The following STK32B variants were observed in gnomAD, a reference collection of about 807,000 sequenced individuals.
The protein encoded by STK32B is serine/threonine kinase 32B, also known as serine/threonine-protein kinase 32B.
In STK32B, 43 loss-of-function variants were observed where a neutral mutation model predicts 52.6. The observed-to-expected ratio is 0.82, with a 90% CI of 0.64 to 1.05. The LOEUF (loss-of-function observed/expected upper bound fraction) is 1.05, where lower values mean the gene tolerates loss of function less well. Ranked by LOEUF, STK32B falls within the 50% of genes least tolerant of loss-of-function variation. STK32B has a pLI of 0.00. For missense variants in STK32B, 621 were observed against 534.6 expected (o/e 1.16, Z -1.59); for synonymous variants, 238 against 204.3 (o/e 1.17, Z -1.41).
chr4:5,169,344 G>A (rs1019452711), intron 3 of STK32B, among the ~76,000 whole-genome samples: 2 of 152,142 alleles, frequency 1.3e-5, no homozygotes, highest in African/African-American at 2.4e-5. Flanking sequence ...AGGGGAGAGG[G>A]AGGACAGGCC....
intron 1 of STK32B, among the ~76,000 whole-genome samples, chr4:5,137,663 C>CT (rs1265134365): frequency 6.6e-6 from 1 of 152,186 alleles, no homozygotes; most frequent in Non-Finnish European, 1.5e-5. Context: ...TAATGACAGA[C>CT]TGACTGAATA....
intron 3 of STK32B, chr4:5,214,151 G>A (rs1054938731): frequency 2.0e-5 from 3 of 152,030 alleles, no homozygotes; most frequent in South Asian, 2.1e-4. Flanking sequence ...TCATGGGGGC[G>A]GGTTTCTCCC....
chr4:5,356,178 T>G (rs2108991796), intron 4 of STK32B, among the ~76,000 whole-genome samples: 1 of 152,282 alleles, frequency 6.6e-6, no homozygotes, highest in East Asian at 1.9e-4. Flanking sequence ...GAGAGACACC[T>G]TTCTTGCCTT....
chr4:5,422,963 G>A (rs1283608755), intron 6 of STK32B, among the ~76,000 whole-genome samples: 2 of 152,198 alleles, frequency 1.3e-5, no homozygotes, highest in African/African-American at 4.8e-5. Context: ...GGGGAGTGAA[G>A]CACCATTGTG....
intron 3 of STK32B, among the ~76,000 whole-genome samples, chr4:5,243,285 G>A (rs1437015704): frequency 6.6e-6 from 1 of 152,094 alleles, no homozygotes; most frequent in African/African-American, 2.4e-5. Context: ...CCTTGAAGAG[G>A]TCCTTCATGT....
chr4:5,476,668 C>G (rs949558047), intron 11 of STK32B, among the ~76,000 whole-genome samples: 7 of 151,970 alleles, frequency 4.6e-5, no homozygotes, highest in Admixed American at 1.3e-4. Flanking sequence ...TGAAGATGAC[C>G]TGTCACCTGG....
intron 4 of STK32B, among the ~76,000 whole-genome samples, chr4:5,383,672 G>C (rs1315565617): frequency 2.0e-5 from 3 of 152,158 alleles, no homozygotes. Context: ...AGGGACCCTT[G>C]TTTCTGAAAC....
the STK32B span, among the ~76,000 whole-genome samples, chr4:5,031,146 C>T: frequency 6.6e-6 from 1 of 151,908 alleles, no homozygotes; most frequent in Non-Finnish European, 1.5e-5. Flanking sequence ...TGGACGAGGC[C>T]CACCCACATT....
At chr4:5,417,954 G>A (rs1712298735) in intron 6 of STK32B, among the ~76,000 whole-genome samples, 1 of 152,204 alleles carries the variant, frequency 6.6e-6, no homozygotes, top group Admixed American at 6.5e-5. Flanking sequence ...TCATCAAAGT[G>A]GCTAGAGTGA....
At position 5,466,735 on chromosome 4, in the gene STK32B, G is replaced by T. The variant is rs1282641396; in HGVS notation, c.942G>T (p.Glu314Asp). 4 of 1,613,940 alleles carry T rather than the reference G, an allele frequency of 2.5e-6. No homozygotes were observed. Among genetic ancestry groups the T allele is most frequent in the East Asian group, 2.2e-5 (1 of 44,860 alleles). ...KGRLNCDPTF[E>D]LEEMILESKP... ...GGTTGAACTGCGATCCCACATTTGA[G>T]CTTGAAGAGATGATTCTAGAATCCA... The change falls in exon 10 of 12, where the codon GAG becomes GAT. Residue 314 changes from glutamate to aspartate, a missense_variant. Transcript: ENST00000282908.
intron 3 of STK32B, among the ~76,000 whole-genome samples, chr4:5,201,969 AAC>A (rs1722182829): frequency 6.6e-6 from 1 of 152,174 alleles, no homozygotes; most frequent in Non-Finnish European, 1.5e-5. Flanking sequence ...CACATTTCAA[AAC>A]ACAATCACGC....
At chr4:5,336,733 A>G (rs1418866968) in intron 4 of STK32B, among the ~76,000 whole-genome samples, 2 of 152,234 alleles carry the variant, frequency 1.3e-5, no homozygotes, top group Admixed American at 6.5e-5. Context: ...GAATCTACAG[A>G]TTTCAACACA....
At chr4:5,324,161 C>T (rs1258959358) in intron 3 of STK32B, among the ~76,000 whole-genome samples, 2 of 152,222 alleles carry the variant, frequency 1.3e-5, no homozygotes, top group Admixed American at 6.5e-5. Flanking sequence ...CAAGACCAGT[C>T]TGGCCAACAT....
intron 11 of STK32B, among the ~76,000 whole-genome samples, chr4:5,489,262 T>C (rs1043243998): frequency 1.3e-5 from 2 of 152,134 alleles, no homozygotes; most frequent in African/African-American, 4.8e-5. Context: ...AATTGAGATA[T>C]TAGACAAAGC....
the STK32B span, among the ~76,000 whole-genome samples, chr4:5,040,800 C>T: frequency 6.6e-6 from 1 of 152,188 alleles, no homozygotes; most frequent in African/African-American, 2.4e-5. Context: ...TGCGTTGTCA[C>T]CACATGCCAA....
At chr4:5,439,417 G>C (rs1385195456) in intron 6 of STK32B, among the ~76,000 whole-genome samples, 3 of 151,980 alleles carry the variant, frequency 2.0e-5, no homozygotes, top group African/African-American at 7.3e-5. Flanking sequence ...AGAAATGTCT[G>C]TTCATGTCCT....
intron 3 of STK32B, among the ~76,000 whole-genome samples, chr4:5,227,729 A>T (rs980419969): frequency 1.3e-5 from 2 of 152,234 alleles, no homozygotes; most frequent in Non-Finnish European, 2.9e-5. Context: ...GAAGTACTTT[A>T]TATGTACTTT....
intron 6 of STK32B, among the ~76,000 whole-genome samples, chr4:5,440,839 C>G (rs868392550): frequency 1.3e-5 from 2 of 151,472 alleles, no homozygotes; most frequent in African/African-American, 4.9e-5. Context: ...TGTCAAAGGC[C>G]TTTTCTGCAT....
rs560339597 is a variant in STK32B at position 5,500,732 on chromosome 4, G to C, written c.*1649G>C. The C allele has an allele frequency of 2.0e-5, 3 of 151,602 alleles. No homozygotes were observed. Among genetic ancestry groups the C allele is most frequent in the Non-Finnish European group, 2.9e-5 (2 of 67,864 alleles). The allele number at this position is 151,602 out of a possible 1,614,324, so 9.4% of individuals were successfully genotyped here. ...ACTATTTCTGGATTGTGTGCTCCTC[G>C]TCAGTTGACTTGTTTTGCACACTTT... On this transcript the variant is annotated 3_prime_UTR_variant, in exon 12 of 12. Transcript: ENST00000282908.
Sources: allele counts gnomAD v4.1 joint callset (sites outside exome capture counted in the v4.1 genomes callset), GRCh38; gene constraint gnomAD v4.1.1; transcripts MANE v1.5; gene names NCBI Gene and HGNC (gene_info 2026-07-23, HGNC 2026-07-21).